The following SLC6A6 variants were observed in gnomAD, a reference collection of about 807,000 sequenced individuals.
SLC6A6 encodes the protein sodium- and chloride-dependent taurine transporter.
In SLC6A6, 16 loss-of-function variants were observed where a neutral mutation model predicts 68.8. That is an observed-to-expected ratio of 0.23 (90% CI 0.16 to 0.35). The LOEUF is 0.35. Ranked by LOEUF, SLC6A6 falls within the 10% of genes least tolerant of loss-of-function variation. SLC6A6 has a pLI of 1.00. For missense variants in SLC6A6, 474 were observed against 802.8 expected (o/e 0.59, Z 4.95); for synonymous variants, 312 against 315.4 (o/e 0.99, Z 0.12).
intron 5 of SLC6A6, among the ~76,000 whole-genome samples, chr3:14,452,591 G>A (rs925233986): frequency 1.3e-5 from 2 of 152,172 alleles, no homozygotes; most frequent in African/African-American, 4.8e-5. Context: ...CCACATGTGT[G>A]TCTCCCCGCT....
In SLC6A6 at chr3:14,444,938, C is replaced by T. The variant is rs974878688; in HGVS notation, c.230-779C>T. ...GTCCCGCCCCCACCGGAGATGCCTA[C>T]CCTCTGCCCCTTACCACCTCACCCT... On this transcript the variant is annotated intron_variant, in intron 3 of 14. Coordinates refer to ENST00000622186, the MANE Select transcript of SLC6A6 (RefSeq NM_003043.6). 58 of 439,602 alleles carry T rather than the reference C, an allele frequency of 1.3e-4. 1 individual carries two copies. Among genetic ancestry groups the T allele is most frequent in the South Asian group, 9.3e-4 (58 of 62,482 alleles). The allele number at this position is 439,602 out of a possible 1,614,324, so 27.2% of individuals were successfully genotyped here.
At chr3:14,473,988 C>CT (rs1280827712) in intron 10 of SLC6A6, among the ~76,000 whole-genome samples, 7 of 152,218 alleles carry the variant, frequency 4.6e-5, no homozygotes, top group African/African-American at 1.7e-4. Context: ...ACACGCATCT[C>CT]TCAGGGAGGC....
At position 14,478,476 on chromosome 3, in the gene SLC6A6, A is replaced by T. The variant is rs200356672; in HGVS notation, c.1358A>T (p.Tyr453Phe). ...GLTMVTEGGM[Y>F]VFQLFDYYAA... ...TTTTTTTCTTCACAGGGTGGCATGTATGTGTTTCAGCTCTTTGACTACTAT... is the reference window on the plus strand; with the variant it reads ...TTTTTTTCTTCACAGGGTGGCATGTTTGTGTTTCAGCTCTTTGACTACTAT... The change falls in exon 12 of 15, where the codon TAT becomes TTT. Residue 453 changes from tyrosine (Y) to phenylalanine (F), a missense_variant. Tyr to Phe is a conservative substitution (Grantham distance 22). This residue lies in a region of SLC6A6 where 194 missense variants were observed against 269.8 expected (regional missense o/e 0.72). Coordinates refer to ENST00000622186, the MANE Select transcript of SLC6A6 (RefSeq NM_003043.6). The T allele has an allele frequency of 7.3e-5, 117 of 1,610,378 alleles. No individual in the cohort carries two copies. The highest frequency in any genetic ancestry group is 1.7e-5 in the Admixed American group (1 of 59,906).
At chr3:14,425,782 C>T (rs1363028393) in intron 2 of SLC6A6, among the ~76,000 whole-genome samples, 1 of 152,142 alleles carries the variant, frequency 6.6e-6, no homozygotes, top group African/African-American at 2.4e-5. Context: ...ACCCATGGTC[C>T]TTCCCCTCAT....
rs1238111802 is a variant in SLC6A6, at chr3:14,485,152, G to GTGCC, written c.*148_*149insCTGC. The GTGCC allele has an allele frequency of 1.8e-6, 1 of 563,120 alleles. No homozygotes were observed. The highest frequency in any genetic ancestry group is 2.9e-6 in the Non-Finnish European group (1 of 345,560). 34.9% of individuals were successfully genotyped at this position (563,120 alleles called of 1,614,324 possible). A position where few individuals can be genotyped will look rare whatever the true frequency, so the allele number is the denominator to read the frequency against. On this transcript the variant is annotated 3_prime_UTR_variant, in exon 15 of 15. Transcript: ENST00000622186. Reference sequence around the variant, plus strand: ...ACAGAAAATGTAATTGTGGGTATGTGTGCGTGCGTGTGTGTGTGTGTGTGT... The same window carrying GTGCC: ...ACAGAAAATGTAATTGTGGGTATGTGTGCCTGCGTGCGTGTGTGTGTGTGTGTGT...
chr3:14,460,837 T>C (rs1441887732), intron 6 of SLC6A6, among the ~76,000 whole-genome samples: 2 of 152,256 alleles, frequency 1.3e-5, no homozygotes, highest in Admixed American at 1.3e-4. Flanking sequence ...AGTCAGGCTC[T>C]GTGAACTTCC....
chr3:14,406,842 AAAT>A (rs1369134578), intron 1 of SLC6A6, among the ~76,000 whole-genome samples: 2 of 152,186 alleles, frequency 1.3e-5, no homozygotes, highest in Non-Finnish European at 2.9e-5. Flanking sequence ...ACCAACATAC[AAAT>A]AATAAACCAC....
At position 14,443,885 on chromosome 3, in the gene SLC6A6, G is replaced by A. The variant is rs1374362218; in HGVS notation, c.229+22G>A. 1.9e-6 allele frequency: 3 copies of A among 1,548,048 alleles called. No homozygotes were observed. In the East Asian group the frequency reaches 6.7e-5, roughly 35 times the overall value. ...GGAGGTGAGCTTGGGCCGGGCCACA[G>A]GGGAGCCCATCCAGTACAAAGCCGC... is the stretch of plus-strand genomic sequence containing the variant. On this transcript the variant is annotated intron_variant, in intron 3 of 14. Transcript: ENST00000622186.
chr3:14,406,969 G>C (rs1411596969), intron 1 of SLC6A6, among the ~76,000 whole-genome samples: 1 of 152,250 alleles, frequency 6.6e-6, no homozygotes, highest in Non-Finnish European at 1.5e-5. Context: ...AACATATTCA[G>C]ACTCCCAGGC....
At chr3:14,444,490 G>A (rs11705898) in intron 3 of SLC6A6, 9,642 of 261,658 alleles carry the variant, frequency 0.037, 279 homozygotes, top group South Asian at 0.088. Flanking sequence ...GCTCCGAGCA[G>A]GAACCCTCTG....
chr3:14,421,626 A>AAT (rs1208610543), intron 2 of SLC6A6, among the ~76,000 whole-genome samples: 2 of 152,248 alleles, frequency 1.3e-5, no homozygotes, highest in Non-Finnish European at 2.9e-5. Flanking sequence ...GAGAAGTCTG[A>AAT]ATATATGCAT....
At chr3:14,409,396 T>G (rs1228349701) in intron 1 of SLC6A6, among the ~76,000 whole-genome samples, 2 of 152,222 alleles carry the variant, frequency 1.3e-5, no homozygotes, top group Admixed American at 1.3e-4. Flanking sequence ...GAACTCATAT[T>G]TATTGAGCAT....
Position 14,485,016 on chromosome 3 carries a change from G to T in SLC6A6, c.*9G>T. On this transcript the variant is annotated 3_prime_UTR_variant, in exon 15 of 15. Transcript: ENST00000622186. ...TGGAGACCATGATGTGAGCTCTCTCGGGTCGACGGGGCCGGCGGCTTTCCT... is the reference window on the plus strand; with the variant it reads ...TGGAGACCATGATGTGAGCTCTCTCTGGTCGACGGGGCCGGCGGCTTTCCT... 2 of 1,598,038 alleles carry T rather than the reference G, an allele frequency of 1.3e-6. No homozygotes were observed. Among genetic ancestry groups the T allele is most frequent in the African/African-American group, 1.3e-5 (1 of 74,710 alleles).
At chr3:14,448,409 G>A (rs1469853276) in intron 5 of SLC6A6, among the ~76,000 whole-genome samples, 1 of 152,194 alleles carries the variant, frequency 6.6e-6, no homozygotes, top group Non-Finnish European at 1.5e-5. Flanking sequence ...GCAGGCAACT[G>A]TAGGTCCTCC....
At chr3:14,470,746 CCAACTT>C (rs1306910357) in intron 9 of SLC6A6, among the ~76,000 whole-genome samples, 1 of 152,164 alleles carries the variant, frequency 6.6e-6, no homozygotes, top group East Asian at 1.9e-4. Context: ...GCTTTTGACT[CCAACTT>C]CAACTTTGAT....
chr3:14,430,475 G>A (rs543399303), intron 2 of SLC6A6, among the ~76,000 whole-genome samples: 1 of 152,122 alleles, frequency 6.6e-6, no homozygotes, highest in Non-Finnish European at 1.5e-5. Flanking sequence ...CTACCACTGG[G>A]GGTTGCCCTG....
At chr3:14,470,891 C>T (rs1865885) in intron 9 of SLC6A6, among the ~76,000 whole-genome samples, 152,207 of 152,330 alleles carry the variant, frequency 1, 76,042 homozygotes, top group Middle Eastern at 1. Context: ...AGCATCTCAG[C>T]GAGCAACCAC....
chr3:14,417,498 A>G (rs182388896), intron 2 of SLC6A6, among the ~76,000 whole-genome samples: 2,124 of 152,218 alleles, frequency 0.014, 57 homozygotes, highest in African/African-American at 0.047. Flanking sequence ...TTGGGAGGCC[A>G]AGGTGGGCAG....
intron 2 of SLC6A6, among the ~76,000 whole-genome samples, chr3:14,422,894 GC>G (rs1408500711): frequency 2.0e-5 from 3 of 152,190 alleles, no homozygotes; most frequent in Non-Finnish European, 4.4e-5. Context: ...TAGTCTCACA[GC>G]CCCTCAAGTC....
Sources: allele counts gnomAD v4.1 joint callset (sites outside exome capture counted in the v4.1 genomes callset), GRCh38; gene constraint gnomAD v4.1.1; regional missense constraint gnomAD v4.1.1; transcripts MANE v1.5; gene names NCBI Gene and HGNC (gene_info 2026-07-23, HGNC 2026-07-21).